Variants in AHI1 observed in about 807,000 individuals in gnomAD.
AHI1 encodes Abelson helper integration site 1.
In AHI1, 123 loss-of-function variants were observed where a neutral mutation model predicts 149.3. That is an observed-to-expected ratio of 0.82 (90% CI 0.71 to 0.96). The LOEUF (loss-of-function observed/expected upper bound fraction) is 0.96, where lower values mean the gene tolerates loss of function less well. Among genes scored for constraint, AHI1 ranks in the 40% least tolerant of loss-of-function variants. AHI1 has a pLI of 0.00. For synonymous variants in AHI1, 475 were observed against 459.8 expected (o/e 1.03, Z -0.42); for missense variants, 1,439 against 1,422.7 (o/e 1.01, Z -0.18).
intron 23 of AHI1, among the ~76,000 whole-genome samples, chr6:135,382,208 G>A (rs1280121476): frequency 6.6e-6 from 1 of 152,058 alleles, no homozygotes; most frequent in Non-Finnish European, 1.5e-5. Context: ...GACCAGTCAC[G>A]CATATAGTCA....
chr6:135,362,498 A>G (rs1212148438), intron 23 of AHI1, among the ~76,000 whole-genome samples: 3 of 152,118 alleles, frequency 2.0e-5, no homozygotes, highest in African/African-American at 7.2e-5. Flanking sequence ...CAATGCAGGG[A>G]TGTTCCCTTT....
At chr6:135,418,739 T>C (rs1782726073) in intron 20 of AHI1, among the ~76,000 whole-genome samples, 1 of 152,080 alleles carries the variant, frequency 6.6e-6, no homozygotes, top group Non-Finnish European at 1.5e-5. Context: ...GTTTAATTCC[T>C]TTGTTCAAGA....
chr6:135,489,298 C>A (rs547334396), intron 5 of AHI1, among the ~76,000 whole-genome samples: 1 of 152,282 alleles, frequency 6.6e-6, no homozygotes, highest in African/African-American at 2.4e-5. Context: ...TGCCCCTCAA[C>A]ATTTAAACTG....
rs551297519 is a variant in AHI1, at chr6:135,471,180, A to T, written c.136-3546T>A. Reference sequence around the variant, plus strand: ...AAAGATTTATGGTCTCAAGGAAAAAATTTTAAAATTGAAACTCCAGGCAAA... The same window carrying T: ...AAAGATTTATGGTCTCAAGGAAAAATTTTTAAAATTGAAACTCCAGGCAAA... On this transcript the variant is annotated intron_variant, in intron 5 of 28. Transcript: ENST00000265602. 3.3e-5 allele frequency among the ~76,000 whole-genome samples: 5 copies of T among 152,332 alleles called. No individual in the cohort carries two copies. The South Asian group carries it at 1.0e-3, about 32-fold the overall frequency.
Position 135,318,742 on chromosome 6 carries a change from A to C in AHI1, c.3329-126T>G, listed in dbSNP as rs2128376819. On this transcript the variant is annotated intron_variant, in intron 25 of 28. Coordinates refer to ENST00000265602, the MANE Select transcript of AHI1 (RefSeq NM_001134831.2). ...ATATTCAATTCCTTGGTGTACCAAT[A>C]AGATACCTAAAACTTACTTGTTACG... The C allele has an allele frequency of 7.1e-6, 4 of 566,628 alleles. No homozygotes were observed. The South Asian group carries it at 1.4e-4, about 19-fold the overall frequency. 35.1% of individuals were successfully genotyped at this position (566,628 alleles called of 1,614,324 possible).
At chr6:135,296,824 C>A (rs896751079) in intron 27 of AHI1, among the ~76,000 whole-genome samples, 7 of 152,172 alleles carry the variant, frequency 4.6e-5, no homozygotes, top group African/African-American at 1.7e-4. Context: ...ACTGCTGTAC[C>A]CTCAGTGCCT....
chr6:135,316,825 C>T (rs1301138474), intron 26 of AHI1, among the ~76,000 whole-genome samples: 1 of 152,104 alleles, frequency 6.6e-6, no homozygotes, highest in East Asian at 1.9e-4. Context: ...ATTTCTGGCT[C>T]CCAGTGAATA....
chr6:135,398,350 G>C (rs945264580), intron 22 of AHI1, among the ~76,000 whole-genome samples: 1 of 151,796 alleles, frequency 6.6e-6, no homozygotes, highest in Non-Finnish European at 1.5e-5. Flanking sequence ...GAGAAGTGAA[G>C]GATTTGGAAG....
At chr6:135,380,049 TTTC>T (rs1228796633) in intron 23 of AHI1, among the ~76,000 whole-genome samples, 1 of 145,060 alleles carries the variant, frequency 6.9e-6, no homozygotes, top group Admixed American at 6.9e-5. Flanking sequence ...CCTCCCTCTC[TTTC>T]TTCTTCTTTG....
At chr6:135,495,745 G>T (rs1018032512) in intron 3 of AHI1, 69 bp downstream of exon 3, 1 of 152,268 alleles carries the variant, frequency 6.6e-6, no homozygotes, top group Non-Finnish European at 1.5e-5. Context: ...AGAGAGAAGC[G>T]AAGTGAAGAG....
At chr6:135,379,637 A>T (rs1271426815) in intron 23 of AHI1, among the ~76,000 whole-genome samples, 1 of 152,202 alleles carries the variant, frequency 6.6e-6, no homozygotes, top group East Asian at 1.9e-4. Context: ...AGTGAATACT[A>T]GCAGTGCTAG....
At chr6:135,422,300 T>A (rs1184914815) in intron 20 of AHI1, among the ~76,000 whole-genome samples, 1 of 152,130 alleles carries the variant, frequency 6.6e-6, no homozygotes, top group Non-Finnish European at 1.5e-5. Flanking sequence ...GCAGATCACT[T>A]GAGACCAGGC....
At chr6:135,354,796 G>A (rs1157685827) in intron 24 of AHI1, among the ~76,000 whole-genome samples, 1 of 152,076 alleles carries the variant, frequency 6.6e-6, no homozygotes, top group Non-Finnish European at 1.5e-5. Flanking sequence ...ATTATCAATA[G>A]TACAGTGTCT....
At chr6:135,362,291 T>C (rs966165312) in intron 23 of AHI1, among the ~76,000 whole-genome samples, 1 of 152,194 alleles carries the variant, frequency 6.6e-6, no homozygotes, top group African/African-American at 2.4e-5. Context: ...TGACTTTTTT[T>C]TCCCTCTGGG....
At chr6:135,408,288 G>C (rs1352359768) in intron 21 of AHI1, among the ~76,000 whole-genome samples, 2 of 152,022 alleles carry the variant, frequency 1.3e-5, no homozygotes, top group South Asian at 2.1e-4. Flanking sequence ...CAAGTTTTTA[G>C]ACAAGGAACA....
chr6:135,286,934 C>T (rs1781758287), intron 28 of AHI1, among the ~76,000 whole-genome samples: 1 of 151,976 alleles, frequency 6.6e-6, no homozygotes, highest in Non-Finnish European at 1.5e-5. Flanking sequence ...AAAACTTTCA[C>T]CAAATTAGGA....
intron 26 of AHI1, among the ~76,000 whole-genome samples, chr6:135,308,789 A>C (rs1784814639): frequency 6.6e-6 from 1 of 152,246 alleles, no homozygotes; most frequent in Non-Finnish European, 1.5e-5. Flanking sequence ...GATATCGAGG[A>C]AATGACACAT....
At chr6:135,290,563 AAG>A (rs1782216609) in intron 27 of AHI1, 38 bp from the exon 28 acceptor site, 1 of 1,610,414 alleles carries the variant, frequency 6.2e-7, no homozygotes, top group African/African-American at 1.3e-5. Flanking sequence ...GAGCCAGTAA[AAG>A]AGAGCTGAGC....
At chr6:135,300,106 C>A (rs548647018) in intron 27 of AHI1, among the ~76,000 whole-genome samples, 1 of 152,160 alleles carries the variant, frequency 6.6e-6, no homozygotes, top group East Asian at 1.9e-4. Flanking sequence ...AGGTGGATCA[C>A]CTGAGGTCAG....
Sources: gnomAD v4.1 joint callset for allele counts (sites outside exome capture counted in the v4.1 genomes callset) on GRCh38, gnomAD v4.1.1 for gene constraint, MANE v1.5 for transcripts, NCBI Gene and HGNC (gene_info 2026-07-23, HGNC 2026-07-21) for gene names.